Variants in ADARB2 observed in about 807,000 individuals in gnomAD.
The protein encoded by ADARB2 is inactive double-stranded RNA-specific editase B2.
A neutral mutation model predicts 62.2 loss-of-function variants in ADARB2; 25 were observed. That is an observed-to-expected ratio of 0.40 (90% CI 0.29 to 0.56). The LOEUF (loss-of-function observed/expected upper bound fraction) is 0.56, where lower values mean the gene tolerates loss of function less well. ADARB2 is among the 20% of genes least tolerant of loss of function. The probability of loss-of-function intolerance (pLI) is 0.43; values close to 1 mark genes in which losing one functional copy is unlikely to be tolerated. For synonymous variants in ADARB2, 572 were observed against 500.8 expected, an observed-to-expected ratio of 1.14 and a Z score of -1.90; for missense variants, 1,071 against 1,077.4, an observed-to-expected ratio of 0.99 and a Z score of 0.08.
intron 1 of ADARB2, among the ~76,000 whole-genome samples, chr10:1,732,118 A>G (rs766835247): frequency 5.9e-5 from 9 of 152,062 alleles, no homozygotes; most frequent in Non-Finnish European, 1.2e-4. Context: ...ACTATTTTGG[A>G]AAAAGAAGTA....
At chr10:1,592,348 C>T (rs904066990) in intron 1 of ADARB2, among the ~76,000 whole-genome samples, 2 of 138,666 alleles carry the variant, frequency 1.4e-5, no homozygotes, top group Middle Eastern at 3.6e-3. Flanking sequence ...CCATAGGTCT[C>T]CTCTCTGGCA....
At chr10:1,428,275 A>G (rs1830730725) in intron 1 of ADARB2, among the ~76,000 whole-genome samples, 1 of 148,104 alleles carries the variant, frequency 6.8e-6, no homozygotes, top group Admixed American at 6.7e-5. Flanking sequence ...ACCTGCCTCC[A>G]AAATGTTTTT....
intron 6 of ADARB2, among the ~76,000 whole-genome samples, chr10:1,224,892 G>A (rs1207692685): frequency 2.0e-5 from 3 of 152,194 alleles, no homozygotes; most frequent in African/African-American, 7.2e-5. Context: ...TGTATATTCT[G>A]TTGATTTGGG....
At chr10:1,506,985 C>T (rs1207593258) in intron 1 of ADARB2, among the ~76,000 whole-genome samples, 3 of 152,192 alleles carry the variant, frequency 2.0e-5, no homozygotes, top group Admixed American at 1.3e-4. Context: ...CCCCACAATC[C>T]GGATCTGCTG....
intron 1 of ADARB2, among the ~76,000 whole-genome samples, chr10:1,665,836 G>C (rs1414976198): frequency 4.6e-5 from 7 of 152,216 alleles, no homozygotes; most frequent in Admixed American, 3.9e-4. Flanking sequence ...TGCTTCGAAG[G>C]CTTCTTGGGT....
intron 6 of ADARB2, among the ~76,000 whole-genome samples, chr10:1,219,645 A>G (rs1373828412): frequency 6.6e-6 from 1 of 152,230 alleles, no homozygotes; most frequent in African/African-American, 2.4e-5. Flanking sequence ...TCTTCTTTGC[A>G]GCTTTAATGG....
intron 1 of ADARB2, among the ~76,000 whole-genome samples, chr10:1,382,954 C>T (rs185361609): frequency 6.6e-6 from 1 of 152,312 alleles, no homozygotes; most frequent in Admixed American, 6.5e-5. Context: ...TGGAAACTGA[C>T]CTGGGGGACG....
chr10:1,269,343 A>C (rs1285966829), intron 4 of ADARB2, among the ~76,000 whole-genome samples: 1 of 152,220 alleles, frequency 6.6e-6, no homozygotes, highest in Non-Finnish European at 1.5e-5. Flanking sequence ...TATAAGAGCC[A>C]CAAGGGTAGG....
intron 1 of ADARB2, among the ~76,000 whole-genome samples, chr10:1,576,802 A>G (rs1355237722): frequency 6.6e-6 from 1 of 152,006 alleles, no homozygotes; most frequent in Non-Finnish European, 1.5e-5. Context: ...AACACATTGA[A>G]GGTGGAGGAT....
At chr10:1,729,464 C>T (rs1835205528) in intron 1 of ADARB2, among the ~76,000 whole-genome samples, 1 of 152,166 alleles carries the variant, frequency 6.6e-6, no homozygotes, top group Non-Finnish European at 1.5e-5. Flanking sequence ...GATGAGTGAA[C>T]CCAGCCAGAC....
chr10:1,245,641 T>A (rs1436022380), intron 4 of ADARB2, among the ~76,000 whole-genome samples: 1 of 152,218 alleles, frequency 6.6e-6, no homozygotes, highest in Admixed American at 6.5e-5. Flanking sequence ...TCTAGCTTCA[T>A]CCATGTCCCT....
intron 1 of ADARB2, among the ~76,000 whole-genome samples, chr10:1,500,524 T>C (rs1831754111): frequency 6.6e-6 from 1 of 152,236 alleles, no homozygotes; most frequent in African/African-American, 2.4e-5. Context: ...ACTTATTTAC[T>C]AACATAAAAT....
chr10:1,581,524 G>A (rs1315574237), intron 1 of ADARB2, among the ~76,000 whole-genome samples: 1 of 152,230 alleles, frequency 6.6e-6, no homozygotes, highest in Non-Finnish European at 1.5e-5. Flanking sequence ...CCGTGACCAG[G>A]TAATGAGCCT....
chr10:1,681,483 AT>A (rs1305745467), intron 1 of ADARB2, among the ~76,000 whole-genome samples: 3 of 143,362 alleles, frequency 2.1e-5, no homozygotes, highest in Non-Finnish European at 3.0e-5. Flanking sequence ...CTTAAAAAAT[AT>A]TAAAAAAAAA....
intron 7 of ADARB2, among the ~76,000 whole-genome samples, chr10:1,206,497 T>TTGTG (rs1478198322): frequency 2.0e-5 from 3 of 151,344 alleles, no homozygotes; most frequent in African/African-American, 7.3e-5. Flanking sequence ...GGTCTCCTCC[T>TTGTG]CGTGCCTGTG....
chr10:1,305,140 T>C (rs1424687101), intron 3 of ADARB2, among the ~76,000 whole-genome samples: 3 of 143,694 alleles, frequency 2.1e-5, no homozygotes, highest in African/African-American at 7.5e-5. Flanking sequence ...ATCAACAAAA[T>C]TGATAGACCA....
At chr10:1,447,253 T>C (rs1830981105) in intron 1 of ADARB2, among the ~76,000 whole-genome samples, 1 of 152,238 alleles carries the variant, frequency 6.6e-6, no homozygotes, top group Non-Finnish European at 1.5e-5. Context: ...AGCTTCTGGC[T>C]CCACAGGTAT....
chr10:1,435,790 G>A (rs1195758741), intron 1 of ADARB2, among the ~76,000 whole-genome samples: 1 of 152,232 alleles, frequency 6.6e-6, no homozygotes, highest in African/African-American at 2.4e-5. Context: ...CTGGAAGGAT[G>A]TGGCCTCCGG....
intron 2 of ADARB2, among the ~76,000 whole-genome samples, chr10:1,374,567 G>A (rs1832404805): frequency 6.6e-6 from 1 of 152,186 alleles, no homozygotes; most frequent in African/African-American, 2.4e-5. Context: ...TCTTTCAAAG[G>A]TGGAGAGCAT....
Sources: allele counts gnomAD v4.1 joint callset (sites outside exome capture counted in the v4.1 genomes callset), GRCh38; gene constraint gnomAD v4.1.1; transcripts MANE v1.5; gene names NCBI Gene and HGNC (gene_info 2026-07-23, HGNC 2026-07-21).